DIAPH3: variants seen among roughly 807,000 people sequenced by gnomAD.
DIAPH3 encodes protein diaphanous homolog 3.
A neutral mutation model predicts 144.3 loss-of-function variants in DIAPH3; 117 were observed. That is an observed-to-expected ratio of 0.81 (90% CI 0.70 to 0.95). DIAPH3 has a LOEUF of 0.95. Among genes scored for constraint, DIAPH3 ranks in the 40% least tolerant of loss-of-function variants. The probability of loss-of-function intolerance (pLI) is 0.00; values close to 1 mark genes in which losing one functional copy is unlikely to be tolerated. For missense variants in DIAPH3, 1,421 were observed against 1,412.7 expected (o/e 1.01, Z -0.09); for synonymous variants, 519 against 488.9 (o/e 1.06, Z -0.81).
chr13:59,669,647 C>T (rs752454392), intron 27 of DIAPH3, among the ~76,000 whole-genome samples: 1 of 152,126 alleles, frequency 6.6e-6, no homozygotes, highest in Non-Finnish European at 1.5e-5. Flanking sequence ...CCTCTCTCTG[C>T]TGCATTGTAA....
intron 17 of DIAPH3, among the ~76,000 whole-genome samples, chr13:59,940,814 C>T (rs1351143584): frequency 6.6e-6 from 1 of 152,158 alleles, no homozygotes; most frequent in Non-Finnish European, 1.5e-5. Flanking sequence ...TGTGCTGATG[C>T]CATCCTGGCC....
intron 25 of DIAPH3, among the ~76,000 whole-genome samples, chr13:59,802,667 A>ATTATTATTATTATTTTTT (rs1433627853): frequency 4.2e-5 from 1 of 23,764 alleles, no homozygotes; most frequent in Non-Finnish European, 7.3e-5. Flanking sequence ...TATTATTATT[A>ATTATTATTATTATTTTTT]TTTTTTTTTT....
intron 27 of DIAPH3, among the ~76,000 whole-genome samples, chr13:59,713,687 A>C (rs1566210195): frequency 1.3e-5 from 2 of 152,312 alleles, no homozygotes; most frequent in East Asian, 1.9e-4. Context: ...AGCCACCTAC[A>C]TGGCCACGTA....
chr13:59,973,426 T>TA (rs544600427), intron 15 of DIAPH3, among the ~76,000 whole-genome samples: 6,312 of 147,016 alleles, frequency 0.043, 458 homozygotes, highest in African/African-American at 0.15. Context: ...ATGGGAAAGA[T>TA]AAAAAAAAAA....
chr13:59,830,359 A>G (rs1474914539), intron 24 of DIAPH3, among the ~76,000 whole-genome samples: 1 of 151,876 alleles, frequency 6.6e-6, no homozygotes, highest in Non-Finnish European at 1.5e-5. Flanking sequence ...ACCTTGTTAC[A>G]ATCACTTCCC....
Position 59,844,083 on chromosome 13 carries a change from C to T in DIAPH3, c.2738-4635G>A, listed in dbSNP as rs561422596. ...TTACCTATGTAACAAACCTGCACAT[C>T]CTACACATATATCCCAGAACTTAAA... On this transcript the variant is annotated intron_variant, in intron 22 of 27. Transcript: ENST00000400324. Among the ~76,000 whole-genome samples, 5 of 149,072 alleles carry T rather than the reference C, an allele frequency of 3.4e-5. No individual in the cohort carries two copies. The South Asian group carries it at 1.1e-3, about 32-fold the overall frequency.
chr13:60,047,748 T>C (rs1243597310), intron 4 of DIAPH3, among the ~76,000 whole-genome samples: 6 of 152,232 alleles, frequency 3.9e-5, no homozygotes, highest in Non-Finnish European at 1.5e-5. Flanking sequence ...CAAAGAGTAC[T>C]AGCTATAAAA....
intron 23 of DIAPH3, chr13:59,837,554 A>G (rs1002539208): frequency 6.5e-6 from 1 of 154,380 alleles, no homozygotes; most frequent in Non-Finnish European, 1.5e-5. Flanking sequence ...GAACTGCTTT[A>G]TATCTATAGG....
At chr13:59,766,825 C>A (rs891804881) in intron 27 of DIAPH3, among the ~76,000 whole-genome samples, 8 of 151,898 alleles carry the variant, frequency 5.3e-5, no homozygotes, top group Admixed American at 2.0e-4. Context: ...AAAAAAAGCT[C>A]CACTCCTCCT....
At chr13:60,076,311 G>A (rs983996198) in intron 4 of DIAPH3, among the ~76,000 whole-genome samples, 2 of 151,994 alleles carry the variant, frequency 1.3e-5, no homozygotes, top group Admixed American at 6.6e-5. Flanking sequence ...ACAGCATTCC[G>A]ACACCTCTCT....
At chr13:59,756,879 T>C (rs759089438) in intron 27 of DIAPH3, among the ~76,000 whole-genome samples, 4 of 152,168 alleles carry the variant, frequency 2.6e-5, no homozygotes, top group African/African-American at 4.8e-5. Context: ...AATGGCAGCA[T>C]TGAAAAATCA....
intron 24 of DIAPH3, among the ~76,000 whole-genome samples, chr13:59,829,705 T>C (rs1028999054): frequency 1.3e-5 from 2 of 151,912 alleles, no homozygotes; most frequent in East Asian, 3.9e-4. Flanking sequence ...ACACAGATCT[T>C]ACTAAAGGAA....
At chr13:59,794,948 T>C (rs1251037346) in intron 25 of DIAPH3, among the ~76,000 whole-genome samples, 1 of 152,252 alleles carries the variant, frequency 6.6e-6, no homozygotes, top group Admixed American at 6.5e-5. Flanking sequence ...TGTATTAACT[T>C]GTGAATGCCT....
intron 27 of DIAPH3, among the ~76,000 whole-genome samples, chr13:59,766,512 T>C (rs774597025): frequency 2.0e-5 from 3 of 152,100 alleles, no homozygotes; most frequent in Non-Finnish European, 2.9e-5. Flanking sequence ...TCAATTACTG[T>C]CTGCATCCAC....
chr13:59,672,932 G>A (rs532507631), intron 27 of DIAPH3, among the ~76,000 whole-genome samples: 1 of 152,212 alleles, frequency 6.6e-6, no homozygotes, highest in Admixed American at 6.5e-5. Flanking sequence ...TTTGAATAGA[G>A]GAAACAACTG....
intron 18 of DIAPH3, among the ~76,000 whole-genome samples, chr13:59,923,540 T>A (rs972508506): frequency 6.6e-6 from 1 of 152,152 alleles, no homozygotes; most frequent in South Asian, 2.1e-4. Context: ...TTAATTATGA[T>A]CCCTATATCA....
intron 27 of DIAPH3, among the ~76,000 whole-genome samples, chr13:59,717,904 A>T (rs1014575730): frequency 2.0e-5 from 3 of 152,222 alleles, no homozygotes; most frequent in African/African-American, 7.2e-5. Flanking sequence ...ATTAAAATGG[A>T]CAATCTTATT....
intron 21 of DIAPH3, among the ~76,000 whole-genome samples, chr13:59,878,922 C>T (rs1178903575): frequency 1.3e-5 from 2 of 151,950 alleles, no homozygotes; most frequent in Non-Finnish European, 2.9e-5. Flanking sequence ...TGAGTAAGTA[C>T]GAGTCAGTAT....
chr13:59,903,514 T>C (rs2046565765), intron 20 of DIAPH3, among the ~76,000 whole-genome samples: 1 of 152,100 alleles, frequency 6.6e-6, no homozygotes, highest in South Asian at 2.1e-4. Context: ...CATGGCCTTC[T>C]GAGTTAAAAA....
Sources: gnomAD v4.1 joint callset for allele counts (sites outside exome capture counted in the v4.1 genomes callset) on GRCh38, gnomAD v4.1.1 for gene constraint, MANE v1.5 for transcripts, NCBI Gene and HGNC (gene_info 2026-07-23, HGNC 2026-07-21) for gene names.